Variants in CDH19 observed in about 807,000 individuals in gnomAD.
The protein encoded by CDH19 is cadherin-19.
Under a neutral mutation model 64.2 loss-of-function variants are expected in CDH19, and 67 were observed. The ratio of observed to expected loss-of-function variants is 1.04; its 90% confidence interval spans 0.86 to 1.28. CDH19 has a LOEUF of 1.28. CDH19 is among the 50% of genes most tolerant of loss of function. The probability of loss-of-function intolerance (pLI) is 0.00; values close to 1 mark genes in which losing one functional copy is unlikely to be tolerated. For synonymous variants in CDH19, 346 were observed against 319.3 expected, an observed-to-expected ratio of 1.08 and a Z score of -0.89; for missense variants, 1,030 against 929.0, an observed-to-expected ratio of 1.11 and a Z score of -1.41.
intron 7 of CDH19, among the ~76,000 whole-genome samples, chr18:66,539,798 TTAAC>T (rs1986817688): frequency 6.6e-6 from 1 of 152,052 alleles, no homozygotes; most frequent in Non-Finnish European, 1.5e-5. Flanking sequence ...ATGAAGCTAT[TTAAC>T]TGACTTTTTG....
At chr18:66,574,949 A>C (rs1481233609) in intron 1 of CDH19, among the ~76,000 whole-genome samples, 1 of 151,854 alleles carries the variant, frequency 6.6e-6, no homozygotes, top group Non-Finnish European at 1.5e-5. Context: ...TGATTTTTGT[A>C]AAGAGATCAG....
intron 9 of CDH19, among the ~76,000 whole-genome samples, chr18:66,512,496 C>CA (rs1985539545): frequency 6.6e-6 from 1 of 151,272 alleles, no homozygotes; most frequent in Non-Finnish European, 1.5e-5. Flanking sequence ...ATATGTCAAA[C>CA]AAAAATAGCC....
rs150353589 is a variant in CDH19 at position 66,509,149 on chromosome 18, C to T, written c.1674G>A (p.Pro558=). The T allele has an allele frequency of 6.1e-3, 9,886 of 1,612,846 alleles. 50 individuals are homozygous for T. Among genetic ancestry groups the T allele is most frequent in the Non-Finnish European group, 6.9e-3 (8,090 of 1,179,238 alleles). ...ISILIADNGI[P]SLTSTNTLTI... is the part of the protein sequence containing the mutation. ...TAAGGGTGTTTGTACTTGTAAGTGA[C>T]GGGATTCCATTGTCGGCAATTAAGA... The change falls in exon 11 of 12, where the codon CCG becomes CCA. Residue 558 remains proline (P), a synonymous_variant. Coordinates refer to ENST00000262150, the MANE Select transcript of CDH19 (RefSeq NM_021153.4).
chr18:66,543,270 G>A (rs113320552), intron 7 of CDH19, among the ~76,000 whole-genome samples: 22,896 of 151,950 alleles, frequency 0.15, 1,861 homozygotes, highest in South Asian at 0.25. Flanking sequence ...CTCGTGATCC[G>A]CCCGCCTCGG....
intron 1 of CDH19, among the ~76,000 whole-genome samples, chr18:66,584,634 A>C (rs1431217859): frequency 6.6e-6 from 1 of 152,140 alleles, no homozygotes; most frequent in Non-Finnish European, 1.5e-5. Context: ...ACAATAGCAA[A>C]GACATGGAAC....
rs751706222 is a variant in CDH19, at chr18:66,529,935, C to T, written c.1368G>A (p.Leu456=). The change falls in exon 9 of 12, where the codon CTG becomes CTA. Residue 456 remains leucine (L), a synonymous_variant. Transcript: ENST00000262150. ...CATTGATGTTAAGAACTTGCACATACAGTGGGATCGAAGAGATCTGTTCTA... is the reference window on the plus strand; with the variant it reads ...CATTGATGTTAAGAACTTGCACATATAGTGGGATCGAAGAGATCTGTTCTA... ...YNIEQISSIP[L]YVQVLNINDH... The T allele has an allele frequency of 6.4e-7, 1 of 1,562,588 alleles. No individual in the cohort carries two copies. The highest frequency in any genetic ancestry group is 1.1e-5 in the South Asian group (1 of 87,542).
chr18:66,556,735 A>C (rs1987534024), intron 3 of CDH19, among the ~76,000 whole-genome samples: 1 of 152,102 alleles, frequency 6.6e-6, no homozygotes, highest in East Asian at 1.9e-4. Flanking sequence ...AATCAGATTA[A>C]ATAATTGGCA....
intron 9 of CDH19, among the ~76,000 whole-genome samples, chr18:66,516,779 G>A (rs1985757475): frequency 6.6e-6 from 1 of 152,038 alleles, no homozygotes; most frequent in Non-Finnish European, 1.5e-5. Context: ...CACTCTAGAA[G>A]AGAAGATAGG....
In CDH19 at chr18:66,552,677, A is replaced by G. The variant is rs1987387640; in HGVS notation, c.611-1419T>C. On this transcript the variant is annotated intron_variant, in intron 4 of 11. Coordinates refer to ENST00000262150, the MANE Select transcript of CDH19 (RefSeq NM_021153.4). Reference sequence around the variant, plus strand: ...ATTTCTGGATCTTATGCACTTCAGAACTTATGCTTTCAGTAATTTAATCCA... The same window carrying G: ...ATTTCTGGATCTTATGCACTTCAGAGCTTATGCTTTCAGTAATTTAATCCA... Among the ~76,000 whole-genome samples, 2 of 134,586 alleles carry G rather than the reference A, an allele frequency of 1.5e-5. 1 individual carries two copies. 88.3% of individuals were successfully genotyped at this position (134,586 alleles called of 152,430 possible).
rs546412834 is a variant in CDH19 at position 66,512,688 on chromosome 18, T to C, written c.1459-1003A>G. Among the ~76,000 whole-genome samples, 32 of 151,642 alleles carry C rather than the reference T, an allele frequency of 2.1e-4. No individual in the cohort carries two copies. The East Asian group carries it at 5.6e-3, about 27-fold the overall frequency. ...TTCATTTAGTGTTAATTAAGTAATT[T>C]AACAAAACACATTTTATTCAATCCA... On this transcript the variant is annotated intron_variant, in intron 9 of 11. Coordinates refer to ENST00000262150, the MANE Select transcript of CDH19 (RefSeq NM_021153.4).
At chr18:66,538,365 A>G (rs921397827) in intron 7 of CDH19, among the ~76,000 whole-genome samples, 1 of 152,030 alleles carries the variant, frequency 6.6e-6, no homozygotes, top group Non-Finnish European at 1.5e-5. Context: ...ATTTTCATCT[A>G]TATCTTGGAG....
chr18:66,602,257 CAT>C (rs1460047697), intron 1 of CDH19, among the ~76,000 whole-genome samples: 1 of 151,856 alleles, frequency 6.6e-6, no homozygotes, highest in Non-Finnish European at 1.5e-5. Flanking sequence ...TTAAACATAA[CAT>C]ATATTTAAGA....
At chr18:66,566,825 C>A (rs1009316371) in intron 3 of CDH19, among the ~76,000 whole-genome samples, 2 of 151,884 alleles carry the variant, frequency 1.3e-5, no homozygotes, top group Non-Finnish European at 2.9e-5. Context: ...AGCCTGGATG[C>A]TTTTCTCTTC....
Position 66,502,946 on chromosome 18 carries a change from T to A in CDH19, c.*1866A>T, listed in dbSNP as rs530897320. 5.3e-5 allele frequency: 8 copies of A among 152,044 alleles called. No homozygotes were observed. The South Asian group carries it at 1.7e-3, about 31-fold the overall frequency. 9.4% of individuals were successfully genotyped at this position (152,044 alleles called of 1,614,324 possible). A position where few individuals can be genotyped will look rare whatever the true frequency, so the allele number is the denominator to read the frequency against. On this transcript the variant is annotated 3_prime_UTR_variant, in exon 12 of 12. Transcript: ENST00000262150. Reference sequence around the variant, plus strand: ...GATTGATGAAAAACTTTCTTTATTATGTGATATAGATGTTTAAATTTCAAA... The same window carrying A: ...GATTGATGAAAAACTTTCTTTATTAAGTGATATAGATGTTTAAATTTCAAA...
chr18:66,526,838 T>C (rs1291249875), intron 9 of CDH19, among the ~76,000 whole-genome samples: 1 of 152,046 alleles, frequency 6.6e-6, no homozygotes, highest in East Asian at 1.9e-4. Context: ...CATTCTTTTT[T>C]TTTAAAATTG....
chr18:66,501,847 AAG>A lies in CDH19; in HGVS notation c.*2963_*2964del, dbSNP rs1163067220. Reference sequence around the variant, plus strand: ...AAATATTATATGTTCGCTTAATTGAAAGTAACTAATTCAAACAAAGATCTGTT... The same window carrying A: ...AAATATTATATGTTCGCTTAATTGAATAACTAATTCAAACAAAGATCTGTT... On this transcript the variant is annotated 3_prime_UTR_variant, in exon 12 of 12. Transcript: ENST00000262150. The A allele has an allele frequency of 6.6e-6, 1 of 152,086 alleles. No homozygotes were observed. Among genetic ancestry groups the A allele is most frequent in the African/African-American group, 2.4e-5 (1 of 41,412 alleles). The allele number at this position is 152,086 out of a possible 1,614,324, so 9.4% of individuals were successfully genotyped here. A position where few individuals can be genotyped will look rare whatever the true frequency, so the allele number is the denominator to read the frequency against.
At chr18:66,591,920 C>T (rs1362099711) in intron 1 of CDH19, among the ~76,000 whole-genome samples, 2 of 151,788 alleles carry the variant, frequency 1.3e-5, no homozygotes, top group Non-Finnish European at 3.0e-5. Context: ...TTTCTAATCT[C>T]CAGACCTACA....
intron 9 of CDH19, among the ~76,000 whole-genome samples, chr18:66,526,390 G>A (rs1343501140): frequency 6.6e-6 from 1 of 152,092 alleles, no homozygotes; most frequent in African/African-American, 2.4e-5. Context: ...CCTCAGTAGA[G>A]TTTAAGACTG....
intron 1 of CDH19, among the ~76,000 whole-genome samples, chr18:66,588,614 C>CATATATATA: frequency 8.8e-6 from 1 of 113,734 alleles, no homozygotes; most frequent in East Asian, 2.6e-4. Context: ...TCATATATAT[C>CATATATATA]TATATCTATA....
Sources: gnomAD v4.1 joint callset for allele counts (sites outside exome capture counted in the v4.1 genomes callset) on GRCh38, gnomAD v4.1.1 for gene constraint, MANE v1.5 for transcripts, NCBI Gene and HGNC (gene_info 2026-07-23, HGNC 2026-07-21) for gene names.